Variants in CDH10 observed in about 807,000 individuals in gnomAD.
CDH10 encodes the protein cadherin-10.
In CDH10, 30 loss-of-function variants were observed where a neutral mutation model predicts 73.1. That is an observed-to-expected ratio of 0.41 (90% confidence interval 0.31 to 0.56). The LOEUF (loss-of-function observed/expected upper bound fraction) is 0.56, where lower values mean the gene tolerates loss of function less well. Ranked by LOEUF, CDH10 falls within the 20% of genes least tolerant of loss-of-function variation. The pLI is 0.27. For synonymous variants in CDH10, 345 were observed against 348.2 expected, an observed-to-expected ratio of 0.99 and a Z score of 0.10; for missense variants, 815 against 973.7, an observed-to-expected ratio of 0.84 and a Z score of 2.17.
chr5:24,506,112 CA>C (rs956289293), intron 7 of CDH10, among the ~76,000 whole-genome samples: 5,075 of 81,848 alleles, frequency 0.062, 225 homozygotes, highest in African/African-American at 0.17. Context: ...AAGACTCCGT[CA>C]AAAAAAAAAA....
At chr5:24,508,782 G>T (rs980485185) in intron 7 of CDH10, among the ~76,000 whole-genome samples, 2 of 152,134 alleles carry the variant, frequency 1.3e-5, no homozygotes, top group Non-Finnish European at 2.9e-5. Context: ...GCTTCCCAAA[G>T]TGCTGAGATT....
At chr5:24,584,387 C>T (rs552421126) in intron 2 of CDH10, among the ~76,000 whole-genome samples, 2 of 143,898 alleles carry the variant, frequency 1.4e-5, no homozygotes, top group East Asian at 4.4e-4. Flanking sequence ...TATTTAATTA[C>T]AATTTTTAAC....
chr5:24,597,084 A>G (rs574047918), intron 1 of CDH10, among the ~76,000 whole-genome samples: 1 of 152,020 alleles, frequency 6.6e-6, no homozygotes, highest in African/African-American at 2.4e-5. Flanking sequence ...TCAAAACTAC[A>G]TTTCTTTATT....
chr5:24,509,504 G>C (rs1742818150), intron 7 of CDH10, 62 bp downstream of exon 7: 1 of 1,507,938 alleles, frequency 6.6e-7, no homozygotes, highest in Non-Finnish European at 9.1e-7. Context: ...CTCCCAAAGT[G>C]CTGGGATTAC....
At chr5:24,625,728 A>T (rs1212095638) in intron 1 of CDH10, among the ~76,000 whole-genome samples, 4 of 151,428 alleles carry the variant, frequency 2.6e-5, no homozygotes, top group Non-Finnish European at 5.9e-5. Context: ...ACATGGTTTT[A>T]GGTTTTGGTA....
At chr5:24,573,726 G>A (rs1425312347) in intron 2 of CDH10, among the ~76,000 whole-genome samples, 4 of 146,908 alleles carry the variant, frequency 2.7e-5, no homozygotes, top group African/African-American at 1.0e-4. Context: ...GAAAGAAACA[G>A]CCATTCATAT....
At chr5:24,522,010 T>C (rs1579755528) in intron 5 of CDH10, among the ~76,000 whole-genome samples, 2 of 152,072 alleles carry the variant, frequency 1.3e-5, no homozygotes, top group Admixed American at 1.3e-4. Context: ...GGCAGGCGCC[T>C]GTAGTCCCAG....
At chr5:24,542,219 CAATT>C (rs1486612526) in intron 2 of CDH10, among the ~76,000 whole-genome samples, 2 of 152,012 alleles carry the variant, frequency 1.3e-5, no homozygotes, top group African/African-American at 4.8e-5. Flanking sequence ...AATATCCAAT[CAATT>C]GTTTATCCAG....
At chr5:24,557,108 G>A (rs537352109) in intron 2 of CDH10, among the ~76,000 whole-genome samples, 4 of 151,842 alleles carry the variant, frequency 2.6e-5, no homozygotes, top group African/African-American at 9.6e-5. Context: ...TGGGAGGGGG[G>A]TGGAATGATG....
chr5:24,633,799 T>C (rs996889972), intron 1 of CDH10, among the ~76,000 whole-genome samples: 1 of 151,910 alleles, frequency 6.6e-6, no homozygotes, highest in African/African-American at 2.4e-5. Context: ...TGTCATCTTA[T>C]AACCCTTAAT....
At chr5:24,573,987 C>A (rs1745500904) in intron 2 of CDH10, among the ~76,000 whole-genome samples, 1 of 151,590 alleles carries the variant, frequency 6.6e-6, no homozygotes, top group Non-Finnish European at 1.5e-5. Context: ...CGGGTTCACG[C>A]CATTCTCCTG....
chr5:24,538,109 TTGA>T (rs1235611927), intron 2 of CDH10, among the ~76,000 whole-genome samples: 10 of 152,060 alleles, frequency 6.6e-5, no homozygotes, highest in Admixed American at 6.6e-4. Context: ...CATATTTTTG[TTGA>T]TGAATTAGTA....
chr5:24,516,351 G>A (rs1289815817), intron 5 of CDH10, among the ~76,000 whole-genome samples: 1 of 151,794 alleles, frequency 6.6e-6, no homozygotes, highest in African/African-American at 2.4e-5. Flanking sequence ...TACATATCTT[G>A]GTGAAGATAT....
At chr5:24,609,320 T>C (rs1005502030) in intron 1 of CDH10, among the ~76,000 whole-genome samples, 2 of 152,004 alleles carry the variant, frequency 1.3e-5, no homozygotes, top group South Asian at 2.1e-4. Flanking sequence ...GGAACGATAG[T>C]TGGGGGGAGG....
chr5:24,555,549 TG>T (rs1467070938), intron 2 of CDH10, among the ~76,000 whole-genome samples: 1 of 152,106 alleles, frequency 6.6e-6, no homozygotes, highest in Non-Finnish European at 1.5e-5. Flanking sequence ...GGGGGTGATG[TG>T]GCATCACAAC....
intron 5 of CDH10, among the ~76,000 whole-genome samples, chr5:24,526,668 A>C (rs1469543296): frequency 6.6e-6 from 1 of 151,748 alleles, no homozygotes; most frequent in Non-Finnish European, 1.5e-5. Context: ...TGTATCTCAA[A>C]TTCCTCTTCT....
chr5:24,610,326 T>G (rs1345365965), intron 1 of CDH10, among the ~76,000 whole-genome samples: 2 of 152,208 alleles, frequency 1.3e-5, no homozygotes, highest in African/African-American at 4.8e-5. Flanking sequence ...TTAAATAGCT[T>G]CTTAAATATA....
At chr5:24,521,631 T>A (rs1179693737) in intron 5 of CDH10, among the ~76,000 whole-genome samples, 1 of 151,176 alleles carries the variant, frequency 6.6e-6, no homozygotes, top group Non-Finnish European at 1.5e-5. Flanking sequence ...GAAAAAAAAA[T>A]TAAAAGCATA....
chr5:24,493,267 A>G (rs1742131129), intron 9 of CDH10, among the ~76,000 whole-genome samples: 1 of 152,002 alleles, frequency 6.6e-6, no homozygotes, highest in South Asian at 2.1e-4. Context: ...AGAAAAATTT[A>G]GGAAATTATT....
Sources: allele counts gnomAD v4.1 joint callset (sites outside exome capture counted in the v4.1 genomes callset), GRCh38; gene constraint gnomAD v4.1.1; transcripts MANE v1.5; gene names NCBI Gene and HGNC (gene_info 2026-07-23, HGNC 2026-07-21).